CSGALNACT1: variants seen among roughly 807,000 people sequenced by gnomAD.
The protein encoded by CSGALNACT1 is beta4GalNAcT-1.
A neutral mutation model predicts 51.0 loss-of-function variants in CSGALNACT1; 52 were observed. The ratio of observed to expected loss-of-function variants is 1.02; its 90% CI spans 0.82 to 1.29. CSGALNACT1 has a LOEUF of 1.29. Ranked by LOEUF, CSGALNACT1 falls within the 50% of genes most tolerant of loss-of-function variation. The pLI, the probability that CSGALNACT1 is intolerant of heterozygous loss-of-function variation, is 0.00. For missense variants in CSGALNACT1, 935 were observed against 679.2 expected, an observed-to-expected ratio of 1.38 and a Z score of -4.19; for synonymous variants, 341 against 254.4, an observed-to-expected ratio of 1.34 and a Z score of -3.24.
intron 1 of CSGALNACT1, among the ~76,000 whole-genome samples, chr8:19,609,657 G>A (rs950839034): frequency 2.0e-5 from 3 of 151,846 alleles, no homozygotes; most frequent in Non-Finnish European, 4.4e-5. Flanking sequence ...GATGGGGGTT[G>A]GGGGGTGAGA....
At chr8:19,666,926 A>AAGGGAGGAAGG (rs1564384597) in intron 1 of CSGALNACT1, among the ~76,000 whole-genome samples, 6 of 135,752 alleles carry the variant, frequency 4.4e-5, no homozygotes, top group African/African-American at 1.8e-4. Context: ...AGGAAGGGAG[A>AAGGGAGGAAGG]GACAGAGAGA....
chr8:19,560,645 A>G (rs771299917), intron 3 of CSGALNACT1, among the ~76,000 whole-genome samples: 9 of 152,258 alleles, frequency 5.9e-5, no homozygotes, highest in Non-Finnish European at 1.3e-4. Flanking sequence ...GCAAACAGAG[A>G]AAAGCAAAAT....
intron 1 of CSGALNACT1, among the ~76,000 whole-genome samples, chr8:19,624,307 T>G (rs868504771): frequency 3.5e-4 from 54 of 152,214 alleles, no homozygotes; most frequent in African/African-American, 1.3e-3. Context: ...AAAAATATTC[T>G]GGATTTAAAA....
chr8:19,689,852 C>T lies in CSGALNACT1; in HGVS notation c.-297+67998G>A, dbSNP rs796961140. ...GCTTGAACCCTTACAAGGAAAGTGACGTAGAGTAACCTGATATTAACAATC... is the reference window on the plus strand; with the variant it reads ...GCTTGAACCCTTACAAGGAAAGTGATGTAGAGTAACCTGATATTAACAATC... On this transcript the variant is annotated intron_variant, in intron 1 of 1. Coordinates refer to the CSGALNACT1 transcript ENST00000517494. 1.1e-4 allele frequency among the ~76,000 whole-genome samples: 16 copies of T among 152,308 alleles called. No homozygotes were observed. The South Asian group carries it at 2.5e-3, about 24-fold the overall frequency.
chr8:19,569,384 A>C (rs528608347), intron 3 of CSGALNACT1, among the ~76,000 whole-genome samples: 1 of 152,182 alleles, frequency 6.6e-6, no homozygotes, highest in Non-Finnish European at 1.5e-5. Flanking sequence ...CAGTAAACTC[A>C]TCAAAGCAGG....
chr8:19,519,054 C>G (rs765348317), intron 3 of CSGALNACT1, among the ~76,000 whole-genome samples: 13 of 152,174 alleles, frequency 8.5e-5, no homozygotes, highest in Non-Finnish European at 1.6e-4. Flanking sequence ...CAGGTACCAG[C>G]TGATGGTTTT....
chr8:19,693,459 T>C (rs2061432572), intron 1 of CSGALNACT1, among the ~76,000 whole-genome samples: 1 of 152,130 alleles, frequency 6.6e-6, no homozygotes, highest in Admixed American at 6.5e-5. Context: ...TTTTCGCATC[T>C]TCTAAAGATC....
intron 1 of CSGALNACT1, among the ~76,000 whole-genome samples, chr8:19,660,511 G>T (rs1335129998): frequency 6.6e-6 from 1 of 152,138 alleles, no homozygotes; most frequent in Non-Finnish European, 1.5e-5. Context: ...AAATTGGGAG[G>T]AATACCAATG....
chr8:19,704,120 T>C (rs1033822239), intron 1 of CSGALNACT1, among the ~76,000 whole-genome samples: 1 of 152,210 alleles, frequency 6.6e-6, no homozygotes, highest in Non-Finnish European at 1.5e-5. Context: ...TGATGGTTAA[T>C]TACATAATTA....
chr8:19,496,428 G>C (rs1361494820), intron 4 of CSGALNACT1, among the ~76,000 whole-genome samples: 2 of 152,182 alleles, frequency 1.3e-5, no homozygotes, highest in Non-Finnish European at 2.9e-5. Context: ...TTGATGGTTG[G>C]AACTAGGTTG....
intron 1 of CSGALNACT1, among the ~76,000 whole-genome samples, chr8:19,726,192 G>A (rs938735204): frequency 1.3e-5 from 2 of 152,036 alleles, no homozygotes; most frequent in South Asian, 2.1e-4. Context: ...AAAAGTTATT[G>A]TAAATAGTTA....
At chr8:19,687,000 A>G (rs975109193), upstream of CSGALNACT1, among the ~76,000 whole-genome samples, 1 of 152,202 alleles carries the variant, frequency 6.6e-6, no homozygotes, top group Non-Finnish European at 1.5e-5. Context: ...AGATGCCCAT[A>G]TGCTAGGAAA....
chr8:19,631,873 G>A (rs552907032), intron 1 of CSGALNACT1, among the ~76,000 whole-genome samples: 1 of 152,214 alleles, frequency 6.6e-6, no homozygotes, highest in African/African-American at 2.4e-5. Context: ...GTGTGGGCCA[G>A]GGCAGCAGGG....
intron 8 of CSGALNACT1, among the ~76,000 whole-genome samples, chr8:19,415,712 C>T (rs1006362038): frequency 1.3e-5 from 2 of 152,196 alleles, no homozygotes; most frequent in Non-Finnish European, 2.9e-5. Context: ...AAATGTTAAT[C>T]ACATTCTATG....
intron 1 of CSGALNACT1, among the ~76,000 whole-genome samples, chr8:19,749,478 C>G (rs2064895002): frequency 6.6e-6 from 1 of 152,172 alleles, no homozygotes; most frequent in Non-Finnish European, 1.5e-5. Context: ...AGGCTTCCTG[C>G]TCCTGGCTGA....
chr8:19,642,759 G>T (rs1313631974), intron 1 of CSGALNACT1, among the ~76,000 whole-genome samples: 2 of 150,880 alleles, frequency 1.3e-5, no homozygotes, highest in Non-Finnish European at 3.0e-5. Context: ...ACTGCACTCC[G>T]GCCTGGGTGA....
chr8:19,647,675 A>G (rs2057402163), intron 1 of CSGALNACT1, among the ~76,000 whole-genome samples: 1 of 152,228 alleles, frequency 6.6e-6, no homozygotes, highest in African/African-American at 2.4e-5. Context: ...TACAAAATGT[A>G]ACACAGATAA....
At chr8:19,560,866 A>G (rs1351905092) in intron 3 of CSGALNACT1, among the ~76,000 whole-genome samples, 1 of 152,236 alleles carries the variant, frequency 6.6e-6, no homozygotes, top group African/African-American at 2.4e-5. Context: ...TCACAGCTGC[A>G]AAATCTATAT....
In CSGALNACT1 at chr8:19,667,094, A is replaced by C. The variant is rs752690244; in HGVS notation, c.-544+15379T>G. Among the ~76,000 whole-genome samples the C allele has an allele frequency of 7.5e-5, 9 of 120,764 alleles. 1 individual carries two copies. The highest frequency in any genetic ancestry group is 1.3e-4 in the Non-Finnish European group (7 of 55,834). 79.2% of individuals were successfully genotyped at this position (120,764 alleles called of 152,430 possible). On this transcript the variant is annotated intron_variant, in intron 1 of 9. Transcript: ENST00000332246. ...AAGAAAGAAAGAAAGAAAGAAAGAA[A>C]GAAAGGGAAAGAAATCTCATCACAA...
Sources: allele counts gnomAD v4.1 joint callset (sites outside exome capture counted in the v4.1 genomes callset), GRCh38; gene constraint gnomAD v4.1.1; transcripts MANE v1.5; gene names NCBI Gene and HGNC (gene_info 2026-07-23, HGNC 2026-07-21).